NXPE4: variants seen among roughly 807,000 people sequenced by gnomAD.
NXPE4 encodes NXPE family member 4.
In NXPE4, 42 loss-of-function variants were observed where a neutral mutation model predicts 33.3. That is an observed-to-expected ratio of 1.26 (90% CI 0.98 to 1.63). The LOEUF (loss-of-function observed/expected upper bound fraction) is 1.63, where lower values mean the gene tolerates loss of function less well. NXPE4 is among the 40% of genes most tolerant of loss of function. The pLI is 0.00. For missense variants in NXPE4, 709 were observed against 647.6 expected (o/e 1.09, Z -1.03); for synonymous variants, 253 against 234.9 (o/e 1.08, Z -0.71).
chr11:114,609,373 C>T, the NXPE4 span, among the ~76,000 whole-genome samples: 11 of 151,806 alleles, frequency 7.2e-5, no homozygotes, highest in East Asian at 1.8e-3. Context: ...CACCGTTACC[C>T]GGTGGATAAT....
chr11:114,677,827 T>A, the NXPE4 span, among the ~76,000 whole-genome samples: 1 of 152,084 alleles, frequency 6.6e-6, no homozygotes, highest in Non-Finnish European at 1.5e-5. Flanking sequence ...TGCAGAGCAA[T>A]GCATACTGAG....
the NXPE4 span, among the ~76,000 whole-genome samples, chr11:114,676,855 T>C: frequency 6.6e-6 from 1 of 152,032 alleles, no homozygotes; most frequent in Non-Finnish European, 1.5e-5. Flanking sequence ...GAAACAACGT[T>C]AAGTATGCAT....
chr11:114,651,908 G>A, the NXPE4 span, among the ~76,000 whole-genome samples: 1 of 152,122 alleles, frequency 6.6e-6, no homozygotes, highest in East Asian at 1.9e-4. Flanking sequence ...TAGCAAAACA[G>A]AAACCATAAA....
At chr11:114,599,802 T>C (rs1456065986), upstream of NXPE4, among the ~76,000 whole-genome samples, 1 of 152,082 alleles carries the variant, frequency 6.6e-6, no homozygotes, top group Non-Finnish European at 1.5e-5. Context: ...TTATAAGAAC[T>C]CTGCCCCCGT....
chr11:114,588,806 A>C (rs1358561325), intron 2 of NXPE4, among the ~76,000 whole-genome samples: 1 of 152,150 alleles, frequency 6.6e-6, no homozygotes, highest in Admixed American at 6.5e-5. Context: ...GCACTAATAA[A>C]ACACACCTTC....
the NXPE4 span, among the ~76,000 whole-genome samples, chr11:114,616,959 T>C: frequency 6.8e-6 from 1 of 146,848 alleles, no homozygotes; most frequent in Admixed American, 6.6e-5. Context: ...TATCCACTCT[T>C]ACCCGGTTTA....
the NXPE4 span, among the ~76,000 whole-genome samples, chr11:114,638,961 A>C: frequency 6.6e-6 from 1 of 152,050 alleles, no homozygotes; most frequent in East Asian, 1.9e-4. Context: ...TCAGATCTCC[A>C]GCTGTGAGCT....
At chr11:114,668,693 T>A in the NXPE4 span, among the ~76,000 whole-genome samples, 4 of 152,040 alleles carry the variant, frequency 2.6e-5, no homozygotes, top group Non-Finnish European at 1.5e-5. Flanking sequence ...ATGACTTATC[T>A]TTATATTTTC....
At chr11:114,670,204 C>T in the NXPE4 span, among the ~76,000 whole-genome samples, 1 of 151,862 alleles carries the variant, frequency 6.6e-6, no homozygotes, top group Admixed American at 6.6e-5. Flanking sequence ...TAGAGGCTAT[C>T]CATTAGGTAT....
At position 114,571,349 on chromosome 11, in the gene NXPE4, A is replaced by G; in HGVS notation, c.1224T>C (p.Tyr408=). The change falls in exon 6 of 6, where the codon TAT becomes TAC. Residue 408 remains tyrosine, a synonymous_variant. Coordinates refer to ENST00000375478, the MANE Select transcript of NXPE4 (RefSeq NM_001077639.2). Reference sequence around the variant, plus strand: ...TGAGGTACTCCATCTCTTTGACTGAATAGGTCATTGATCCTATCAAGGGAT... The same window carrying G: ...TGAGGTACTCCATCTCTTTGACTGAGTAGGTCATTGATCCTATCAAGGGAT... ...YCYPLIGSMT[Y]SVKEMEYLTR... The G allele has an allele frequency of 6.2e-7, 1 of 1,614,030 alleles. No individual in the cohort carries two copies. Among genetic ancestry groups the G allele is most frequent in the Non-Finnish European group, 8.5e-7 (1 of 1,179,934 alleles).
the NXPE4 span, among the ~76,000 whole-genome samples, chr11:114,602,055 T>C: frequency 1.1e-5 from 1 of 92,280 alleles, no homozygotes; most frequent in Non-Finnish European, 1.9e-5. Context: ...TATTATATTA[T>C]ATATATTATA....
chr11:114,580,058 A>G (rs1265450210), intron 5 of NXPE4, 74 bp downstream of exon 5: 4 of 1,272,162 alleles, frequency 3.1e-6, no homozygotes, highest in Non-Finnish European at 2.3e-6. Flanking sequence ...AATTTCCCAT[A>G]TTCCCTTCTC....
the NXPE4 span, among the ~76,000 whole-genome samples, chr11:114,637,559 C>T: frequency 2.0e-5 from 3 of 150,652 alleles, no homozygotes; most frequent in Admixed American, 6.7e-5. Flanking sequence ...TTCCTAGTCT[C>T]AATGGTCTTT....
chr11:114,639,199 C>T, the NXPE4 span, among the ~76,000 whole-genome samples: 7 of 151,842 alleles, frequency 4.6e-5, no homozygotes, highest in East Asian at 1.9e-4. Flanking sequence ...GCCTCACTGC[C>T]GCCTTTCAGT....
the NXPE4 span, among the ~76,000 whole-genome samples, chr11:114,648,552 C>A: frequency 6.6e-6 from 1 of 152,130 alleles, no homozygotes; most frequent in Non-Finnish European, 1.5e-5. Context: ...TAGAAACACC[C>A]AGAGTAATGA....
chr11:114,577,761 T>C (rs1949045582), intron 5 of NXPE4, among the ~76,000 whole-genome samples: 1 of 152,162 alleles, frequency 6.6e-6, no homozygotes, highest in Admixed American at 6.6e-5. Flanking sequence ...AAGGTACTAA[T>C]TGGTCTTTAC....
At chr11:114,597,245 C>T (rs924224487), upstream of NXPE4, among the ~76,000 whole-genome samples, 1 of 151,552 alleles carries the variant, frequency 6.6e-6, no homozygotes, top group Non-Finnish European at 1.5e-5. Flanking sequence ...TTTGATTAGC[C>T]CAATAGAAGG....
the NXPE4 span, among the ~76,000 whole-genome samples, chr11:114,611,280 C>G: frequency 7.0e-6 from 1 of 142,730 alleles, no homozygotes; most frequent in Non-Finnish European, 1.5e-5. Flanking sequence ...GTTACCCTGT[C>G]GATAATAAGT....
At chr11:114,670,778 A>G in the NXPE4 span, among the ~76,000 whole-genome samples, 4 of 151,950 alleles carry the variant, frequency 2.6e-5, no homozygotes, top group African/African-American at 9.7e-5. Flanking sequence ...ATTTGCTATA[A>G]TATTTTATCT....
Sources: gnomAD v4.1 joint callset for allele counts (sites outside exome capture counted in the v4.1 genomes callset) on GRCh38, gnomAD v4.1.1 for gene constraint, MANE v1.5 for transcripts, NCBI Gene and HGNC (gene_info 2026-07-23, HGNC 2026-07-21) for gene names.